ERC2: variants seen among roughly 807,000 people sequenced by gnomAD.
The protein encoded by ERC2 is ELKS/RAB6-interacting/CAST family member 2, also known as ERC protein 2.
A neutral mutation model predicts 114.8 loss-of-function variants in ERC2; 42 were observed. That is an observed-to-expected ratio of 0.37 (90% CI 0.29 to 0.47). The LOEUF (loss-of-function observed/expected upper bound fraction) is 0.47. Among genes scored for constraint, ERC2 ranks in the 20% least tolerant of loss-of-function variants. ERC2 has a pLI of 0.99. For synonymous variants in ERC2, 454 were observed against 425.5 expected, an observed-to-expected ratio of 1.07 and a Z score of -0.82; for missense variants, 939 against 1,150.7, an observed-to-expected ratio of 0.82 and a Z score of 2.66.
intron 3 of ERC2, among the ~76,000 whole-genome samples, chr3:56,244,283 T>C: frequency 6.6e-6 from 1 of 152,176 alleles, no homozygotes; most frequent in South Asian, 2.1e-4. Flanking sequence ...GTATAACACA[T>C]GCAATTATAT....
At chr3:56,121,769 A>C (rs1242127515) in intron 6 of ERC2, among the ~76,000 whole-genome samples, 1 of 152,200 alleles carries the variant, frequency 6.6e-6, no homozygotes, top group Non-Finnish European at 1.5e-5. Context: ...ATATATTTTA[A>C]ACTAGGTGTT....
chr3:56,265,695 T>C lies in ERC2; in HGVS notation c.1074+30324A>G, dbSNP rs191857259. Among the ~76,000 whole-genome samples the C allele has an allele frequency of 2.6e-5, 4 of 152,222 alleles. No homozygotes were observed. In the East Asian group the frequency reaches 7.7e-4, roughly 29 times the overall value. On this transcript the variant is annotated intron_variant, in intron 3 of 17. Coordinates refer to ENST00000288221, the MANE Select transcript of ERC2 (RefSeq NM_015576.3). ...ATTGGGAGAAAACATTTGTGAACCA[T>C]ATATCTGATAAGAGGTAAATATTCA...
chr3:56,092,156 G>A (rs755008402), intron 6 of ERC2, among the ~76,000 whole-genome samples: 1 of 152,134 alleles, frequency 6.6e-6, no homozygotes, highest in African/African-American at 2.4e-5. Context: ...TTTAAGCTGT[G>A]CTTATAAAAG....
At chr3:56,095,552 A>C (rs1280198697) in intron 6 of ERC2, among the ~76,000 whole-genome samples, 1 of 152,232 alleles carries the variant, frequency 6.6e-6, no homozygotes, top group Non-Finnish European at 1.5e-5. Context: ...GGAAAGATGC[A>C]TAAGCAAATG....
At position 56,247,400 on chromosome 3, in the gene ERC2, G is replaced by T. The variant is rs568044773; in HGVS notation, c.1074+48619C>A. ...TGACCTGAAGTTCTCCTATCAATTT[G>T]TTTATAATGAATAGTTTTCTATTAT... On this transcript the variant is annotated intron_variant, in intron 3 of 17. Transcript: ENST00000288221. Among the ~76,000 whole-genome samples the T allele has an allele frequency of 2.7e-3, 407 of 152,280 alleles. 1 individual carries two copies. The highest frequency in any genetic ancestry group is 4.1e-3 in the Non-Finnish European group (278 of 68,014).
chr3:55,957,620 C>G (rs1376025448), intron 12 of ERC2, among the ~76,000 whole-genome samples: 2 of 152,206 alleles, frequency 1.3e-5, no homozygotes, highest in Non-Finnish European at 1.5e-5. Context: ...ACTACCACCT[C>G]AGATCCCATG....
intron 6 of ERC2, among the ~76,000 whole-genome samples, chr3:56,118,989 T>G (rs2079420971): frequency 6.6e-6 from 1 of 152,204 alleles, no homozygotes; most frequent in African/African-American, 2.4e-5. Flanking sequence ...AAGGGCCAGG[T>G]AGTAAATATT....
At chr3:55,937,400 A>G (rs2066513694) in intron 13 of ERC2, among the ~76,000 whole-genome samples, 1 of 152,234 alleles carries the variant, frequency 6.6e-6, no homozygotes, top group Non-Finnish European at 1.5e-5. Flanking sequence ...GTAAAGAGAT[A>G]AAAAACATTC....
intron 17 of ERC2, among the ~76,000 whole-genome samples, chr3:55,545,675 C>T (rs1433023213): frequency 6.6e-6 from 1 of 152,176 alleles, no homozygotes; most frequent in Non-Finnish European, 1.5e-5. Context: ...ATGGAGCAGA[C>T]AGAGTACACC....
intron 2 of ERC2, among the ~76,000 whole-genome samples, chr3:56,423,648 T>C (rs1317289154): frequency 6.6e-6 from 1 of 152,226 alleles, no homozygotes; most frequent in African/African-American, 2.4e-5. Flanking sequence ...ACAAAATGGC[T>C]ACACGTTGCT....
intron 2 of ERC2, among the ~76,000 whole-genome samples, chr3:56,332,152 GCA>G (rs4061143): frequency 0.59 from 88,790 of 151,398 alleles, 26,550 homozygotes; most frequent in East Asian, 0.68. Flanking sequence ...ACACACATGT[GCA>G]CACACACACA....
At chr3:55,830,323 T>A (rs1019747375) in intron 14 of ERC2, among the ~76,000 whole-genome samples, 2 of 152,132 alleles carry the variant, frequency 1.3e-5, no homozygotes, top group Admixed American at 6.5e-5. Flanking sequence ...AAAAAAATGA[T>A]GTTAAAAAGT....
chr3:55,819,888 C>A (rs1011166352), intron 14 of ERC2, among the ~76,000 whole-genome samples: 1 of 152,290 alleles, frequency 6.6e-6, no homozygotes, highest in African/African-American at 2.4e-5. Flanking sequence ...CTTGTGGGTA[C>A]AATTTGGGCA....
At chr3:56,116,510 C>A (rs1368696135) in intron 6 of ERC2, among the ~76,000 whole-genome samples, 2 of 152,186 alleles carry the variant, frequency 1.3e-5, no homozygotes, top group African/African-American at 4.8e-5. Context: ...TGGGACACTA[C>A]CACATACTTG....
intron 3 of ERC2, among the ~76,000 whole-genome samples, chr3:56,255,350 A>G (rs991597773): frequency 6.6e-6 from 1 of 152,112 alleles, no homozygotes; most frequent in Non-Finnish European, 1.5e-5. Context: ...TCTCATCCCC[A>G]TCCTGGGCTT....
intron 13 of ERC2, among the ~76,000 whole-genome samples, chr3:55,905,380 C>A (rs2064371851): frequency 6.6e-6 from 1 of 151,890 alleles, no homozygotes; most frequent in Non-Finnish European, 1.5e-5. Context: ...CACGCACATT[C>A]TTCTTTTTAC....
chr3:55,919,539 A>G (rs1368707669), intron 13 of ERC2, among the ~76,000 whole-genome samples: 2 of 152,182 alleles, frequency 1.3e-5, no homozygotes, highest in Non-Finnish European at 2.9e-5. Flanking sequence ...ACAAATATTT[A>G]TTGAACAATT....
intron 3 of ERC2, among the ~76,000 whole-genome samples, chr3:56,195,702 C>T (rs904853216): frequency 6.6e-6 from 1 of 151,972 alleles, no homozygotes; most frequent in African/African-American, 2.4e-5. Context: ...GGTGGTGTAC[C>T]TGTAGTCCCA....
At position 56,421,528 on chromosome 3, in the gene ERC2, A is replaced by G. The variant is rs143077533; in HGVS notation, c.657+12823T>C. On this transcript the variant is annotated intron_variant, in intron 2 of 17. Transcript: ENST00000288221. ...TTGGTTCTCTGAATTTGAAGTCGCA[A>G]CAGCGCAACTCTAGGCTGTCCCTGG... 3.3e-5 allele frequency among the ~76,000 whole-genome samples: 5 copies of G among 152,372 alleles called. No individual in the cohort carries two copies. The East Asian group carries it at 7.7e-4, about 24-fold the overall frequency.
Sources: allele counts gnomAD v4.1 joint callset (sites outside exome capture counted in the v4.1 genomes callset), GRCh38; gene constraint gnomAD v4.1.1; transcripts MANE v1.5; gene names NCBI Gene and HGNC (gene_info 2026-07-23, HGNC 2026-07-21).